FHOD1: variants seen among roughly 807,000 people sequenced by gnomAD.
FHOD1 encodes formin homology 2 domain containing 1, also known as FH1/FH2 domain-containing protein 1.
Under a neutral mutation model 111.6 loss-of-function variants are expected in FHOD1, and 89 were observed. That is an observed-to-expected ratio of 0.80 (90% CI 0.67 to 0.95). The LOEUF is 0.95. Among genes scored for constraint, FHOD1 ranks in the 40% least tolerant of loss-of-function variants. FHOD1 has a pLI of 0.00. For missense variants in FHOD1, 1,446 were observed against 1,554.2 expected (o/e 0.93, Z 1.17); for synonymous variants, 618 against 639.0 (o/e 0.97, Z 0.50).
chr16:67,239,569 C>G, intron 1 of FHOD1, 115 bp from the exon 2 acceptor site: 1 of 735,374 alleles, frequency 1.4e-6, no homozygotes, highest in Non-Finnish European at 2.4e-6. Context: ...AGGGTCTGCA[C>G]TACAGCTGTG....
chr16:67,242,781 A>C (rs1381850060), intron 1 of FHOD1, among the ~76,000 whole-genome samples: 2 of 152,128 alleles, frequency 1.3e-5, no homozygotes, highest in Non-Finnish European at 2.9e-5. Context: ...TTCCAGGCTC[A>C]GGCTTTTCTG....
chr16:67,231,366 T>G lies in FHOD1; in HGVS notation c.2506-17A>C. ...GCCGCTGCTCTGAAAGGACCCTTTC[T>G]GAGCCTGGGCCTGGTTGGCTCCAGA... is the stretch of plus-strand genomic sequence containing the variant. On this transcript the variant is annotated splice_polypyrimidine_tract_variant and intron_variant, in intron 16 of 21. Coordinates refer to ENST00000258201, the MANE Select transcript of FHOD1 (RefSeq NM_013241.3). The surrounding 1 kb of genome is among the most constrained non-coding windows in gnomAD (Gnocchi z 4.3). 6.2e-7 allele frequency: 1 copy of G among 1,614,154 alleles called. No homozygotes were observed. The highest frequency in any genetic ancestry group is 8.5e-7 in the Non-Finnish European group (1 of 1,180,010).
intron 1 of FHOD1, among the ~76,000 whole-genome samples, chr16:67,241,714 A>C (rs904705850): frequency 2.0e-5 from 3 of 152,204 alleles, no homozygotes; most frequent in African/African-American, 7.2e-5. Flanking sequence ...AGTGCTAAGA[A>C]AGGGGAGGGG....
intron 11 of FHOD1, 109 bp downstream of exon 11, chr16:67,236,448 G>A: frequency 6.6e-7 from 1 of 1,518,612 alleles, no homozygotes; most frequent in African/African-American, 1.4e-5. Flanking sequence ...GAAAGAGAGA[G>A]AGAGAAAGCA....
In FHOD1 at chr16:67,238,594, G is replaced by A; in HGVS notation, c.374-147C>T. 1 of 803,722 alleles carries A rather than the reference G, an allele frequency of 1.2e-6. No individual in the cohort carries two copies. The highest frequency in any genetic ancestry group is 2.1e-6 in the Non-Finnish European group (1 of 483,816). 49.8% of individuals were successfully genotyped at this position (803,722 alleles called of 1,614,324 possible). A position where few individuals can be genotyped will look rare whatever the true frequency, so the allele number is the denominator to read the frequency against. ...GGGTCTCACTCTGTCACTCAGGCTGGAGTGTGGAGTGCAGTGGCACAGTCA... is the reference window on the plus strand; with the variant it reads ...GGGTCTCACTCTGTCACTCAGGCTGAAGTGTGGAGTGCAGTGGCACAGTCA... On this transcript the variant is annotated intron_variant, in intron 3 of 21. Transcript: ENST00000258201. This position sits in a 1 kb window ranked among gnomAD's most constrained non-coding sequence, Gnocchi z 4.2.
chr16:67,247,176 C>A, intron 1 of FHOD1, 34 bp downstream of exon 1: 1 of 1,495,318 alleles, frequency 6.7e-7, no homozygotes, highest in South Asian at 1.3e-5. Context: ...CCCTGAACCC[C>A]CGATCGCCCC....
intron 13 of FHOD1, among the ~76,000 whole-genome samples, chr16:67,233,071 C>A (rs2034339358): frequency 6.8e-6 from 1 of 146,432 alleles, no homozygotes; most frequent in African/African-American, 2.5e-5. Context: ...TTTTTTTTAA[C>A]ATTTATTTAT....
In FHOD1 at chr16:67,238,858, A is replaced by G. The variant is rs1271684599; in HGVS notation, c.373+45T>C. The G allele has an allele frequency of 5.6e-6, 9 of 1,597,268 alleles. No homozygotes were observed. The highest frequency in any genetic ancestry group is 5.0e-5 in the Admixed American group (3 of 59,984). ...GGCCTGAAGGTGAGCCAACTGGGCTATGGGGAGGAGGTGCTGCTGGACATG... is the reference window on the plus strand; with the variant it reads ...GGCCTGAAGGTGAGCCAACTGGGCTGTGGGGAGGAGGTGCTGCTGGACATG... On this transcript the variant is annotated intron_variant, in intron 3 of 21. Transcript: ENST00000258201. This position sits in a 1 kb window ranked among gnomAD's most constrained non-coding sequence, Gnocchi z 4.2.
chr16:67,234,058 G>A lies in FHOD1; in HGVS notation c.1645C>T (p.Leu549=). The A allele has an allele frequency of 1.2e-6, 2 of 1,613,498 alleles. No homozygotes were observed. The highest frequency in any genetic ancestry group is 1.7e-6 in the Non-Finnish European group (2 of 1,179,728). Residue 549 remains leucine, a synonymous_variant, in exon 13 of 22, where the codon CTA becomes TTA. Coordinates refer to ENST00000258201, the MANE Select transcript of FHOD1 (RefSeq NM_013241.3). ...ATGTCCTGGTCTTCATCCTCCCCTA[G>A]ATCTGAAAAGTCCAGGTCCCCAATA... ...LSIGDLDFSD[L]GEDEDQDMLN... is the part of the protein sequence containing the mutation.
chr16:67,238,661 C>T lies in FHOD1; in HGVS notation c.374-214G>A, dbSNP rs1319806837. On this transcript the variant is annotated intron_variant, in intron 3 of 21. Transcript: ENST00000258201. The surrounding 1 kb of genome is among the most constrained non-coding windows in gnomAD (Gnocchi z 4.2). ...CAAACTCCTAGCCTCAAGCAATTCT[C>T]CCACCTTGACCTCTCAAAGCACTGG... 5 of 658,404 alleles carry T rather than the reference C, an allele frequency of 7.6e-6. No homozygotes were observed. The highest frequency in any genetic ancestry group is 5.4e-5 in the African/African-American group (3 of 55,680). The allele number at this position is 658,404 out of a possible 1,614,324, so 40.8% of individuals were successfully genotyped here. A position where few individuals can be genotyped will look rare whatever the true frequency, so the allele number is the denominator to read the frequency against.
Position 67,238,087 on chromosome 16 carries a change from C to T in FHOD1, c.589G>A (p.Val197Met). 6.2e-7 allele frequency: 1 copy of T among 1,614,222 alleles called. No individual in the cohort carries two copies. The highest frequency in any genetic ancestry group is 1.1e-5 in the South Asian group (1 of 91,086). The change falls in exon 6 of 22, where the codon GTG becomes ATG. Residue 197 changes from valine to methionine, a missense_variant. By Grantham distance (21) the Val-to-Met change is conservative. Around this residue, in one of 3 missense-constraint regions of FHOD1, gnomAD observed 234 missense variants for 327.4 expected, o/e 0.71. Coordinates refer to ENST00000258201, the MANE Select transcript of FHOD1 (RefSeq NM_013241.3). The surrounding 1 kb of genome is among the most constrained non-coding windows in gnomAD (Gnocchi z 4.2). ...TGAATAGTGTCACTGTGGGCCACCA[C>T]CCCCAGCATTCCATCCACAAAGAGC... ...LMLFVDGMLGVVAHSDTIQWL... is the reference protein window; with the variant it reads ...LMLFVDGMLGMVAHSDTIQWL...
intron 11 of FHOD1, 158 bp from the exon 12 acceptor site, chr16:67,234,630 G>A (rs2034416253): frequency 3.3e-6 from 2 of 605,154 alleles, no homozygotes; most frequent in Non-Finnish European, 5.9e-6. Flanking sequence ...CCCCCCCCAA[G>A]GCCAGCCCCT....
chr16:67,236,335 G>T, intron 11 of FHOD1: 2 of 1,384,688 alleles, frequency 1.4e-6, no homozygotes, highest in Non-Finnish European at 1.9e-6. Context: ...CAGGCAGAAC[G>T]TCGGAGGAGA....
chr16:67,238,016 G>T lies in FHOD1; in HGVS notation c.642+18C>A. 6.2e-7 allele frequency: 1 copy of T among 1,611,620 alleles called. No individual in the cohort carries two copies. Among genetic ancestry groups the T allele is most frequent in the South Asian group, 1.1e-5 (1 of 91,000 alleles). ...AGCAACAGGCAAAGGGTATAAGGCT[G>T]AGTGGAGAGCCACTTACCAGGCTGG... On this transcript the variant is annotated intron_variant, in intron 6 of 21. Transcript: ENST00000258201. This position sits in a 1 kb window ranked among gnomAD's most constrained non-coding sequence, Gnocchi z 4.2.
Position 67,239,460 on chromosome 16 carries a change from G to T in FHOD1, c.202-6C>A, listed in dbSNP as rs1175236159. On this transcript the variant is annotated splice_region_variant and splice_polypyrimidine_tract_variant and intron_variant, in intron 1 of 21. Coordinates refer to ENST00000258201, the MANE Select transcript of FHOD1 (RefSeq NM_013241.3). ...TGCAGAGCACAATCCTCCAACTGGG[G>T]GCAAAGGGAACAGCTGTGAGACTGA... The T allele has an allele frequency of 6.2e-7, 1 of 1,608,458 alleles. No homozygotes were observed. The highest frequency in any genetic ancestry group is 8.5e-7 in the Non-Finnish European group (1 of 1,175,150).
Position 67,229,583 on chromosome 16 carries a change from C to CA in FHOD1, c.*52dup, listed in dbSNP as rs1487286716. The stretch of plus-strand genomic sequence containing the variant: ...CTGCTCTGGGCCCTCCTCACTCTGT[C>CA]ATCTCCTGCACTGCAGTCCAGGGTC... On this transcript the variant is annotated 3_prime_UTR_variant, in exon 22 of 22. Transcript: ENST00000258201. 1.3e-6 allele frequency: 2 copies of CA among 1,511,242 alleles called. No individual in the cohort carries two copies. Among genetic ancestry groups the CA allele is most frequent in the African/African-American group, 2.7e-5 (2 of 72,900 alleles). The allele number at this position is 1,511,242 out of a possible 1,614,324, so 93.6% of individuals were successfully genotyped here. A position where few individuals can be genotyped will look rare whatever the true frequency, so the allele number is the denominator to read the frequency against.
At chr16:67,240,554 TA>T (rs1293132117) in intron 1 of FHOD1, among the ~76,000 whole-genome samples, 1 of 151,992 alleles carries the variant, frequency 6.6e-6, no homozygotes, top group African/African-American at 2.4e-5. Context: ...ACAAAACACT[TA>T]AGAGTCTGAC....
intron 1 of FHOD1, among the ~76,000 whole-genome samples, chr16:67,242,458 CAGG>C (rs957205258): frequency 2.0e-5 from 3 of 152,318 alleles, no homozygotes; most frequent in African/African-American, 7.2e-5. Flanking sequence ...CAGCAAAGAG[CAGG>C]AGACTTCCTG....
Position 67,237,290 on chromosome 16 carries a change from C to T in FHOD1, c.942G>A (p.Leu314=). 1 of 1,614,016 alleles carries T rather than the reference C, an allele frequency of 6.2e-7. No homozygotes were observed. ...QGMEALVQRH[L]GTAGTDVDLR... Reference sequence around the variant, plus strand: ...GGTCGACGTCAGTGCCCGCAGTGCCCAGGTGGCGCTGGACCAGCGCTTCCA... The same window carrying T: ...GGTCGACGTCAGTGCCCGCAGTGCCTAGGTGGCGCTGGACCAGCGCTTCCA... Residue 314 remains leucine, a synonymous_variant, in exon 9 of 22, where the codon CTG becomes CTA. Transcript: ENST00000258201. The surrounding 1 kb of genome is among the most constrained non-coding windows in gnomAD (Gnocchi z 5.6).
Sources: gnomAD v4.1 joint callset for allele counts (sites outside exome capture counted in the v4.1 genomes callset) on GRCh38, gnomAD v4.1.1 for gene constraint, gnomAD v4.1.1 regional missense constraint, Gnocchi (gnomAD v3.1) non-coding constraint, MANE v1.5 for transcripts, NCBI Gene and HGNC (gene_info 2026-07-23, HGNC 2026-07-21) for gene names.